AOC3: variants seen among roughly 807,000 people sequenced by gnomAD.
AOC3 encodes the protein amine oxidase [copper-containing] 3.
Under a neutral mutation model 55.4 loss-of-function variants are expected in AOC3, and 47 were observed. That is an observed-to-expected ratio of 0.85 (90% CI 0.67 to 1.08). The LOEUF (loss-of-function observed/expected upper bound fraction) is 1.08, where lower values mean the gene tolerates loss of function less well. Ranked by LOEUF, AOC3 falls within the 50% of genes least tolerant of loss-of-function variation. AOC3 has a pLI of 0.00. For missense variants in AOC3, 853 were observed against 993.1 expected (o/e 0.86, Z 1.90); for synonymous variants, 386 against 410.7 (o/e 0.94, Z 0.73).
intron 3 of AOC3, among the ~76,000 whole-genome samples, chr17:42,855,861 A>C (rs1257471096): frequency 6.6e-6 from 1 of 152,164 alleles, no homozygotes; most frequent in Non-Finnish European, 1.5e-5. Context: ...TACCAGGGAA[A>C]ATGACATCTC....
chr17:42,854,282 A>C, intron 1 of AOC3, 166 bp from the exon 2 acceptor site: 2 of 492,746 alleles, frequency 4.1e-6, no homozygotes, highest in Non-Finnish European at 6.5e-6. Flanking sequence ...ACAGGTCAAC[A>C]GCTTTGGCTA....
rs189410619 is a variant in AOC3 at position 42,851,505 on chromosome 17, T to C, written c.162T>C (p.Pro54=). The C allele has an allele frequency of 2.7e-5, 44 of 1,614,212 alleles. No homozygotes were observed. The East Asian group carries it at 9.8e-4, about 36-fold the overall frequency. The change falls in exon 1 of 4, where the codon CCT becomes CCC. Residue 54 remains proline (P), a synonymous_variant. Coordinates refer to ENST00000308423, the MANE Select transcript of AOC3 (RefSeq NM_003734.4). ...VSPSAQPWTH[P]GQSQLFADLS... is the part of the protein sequence containing the mutation. ...CCAGTGCCCAGCCTTGGACACACCC[T>C]GGCCAGAGCCAGCTGTTTGCAGACC... is the stretch of plus-strand genomic sequence containing the variant.
At chr17:42,854,341 C>G (rs1026576106) in intron 1 of AOC3, 107 bp from the exon 2 acceptor site, 1 of 1,075,854 alleles carries the variant, frequency 9.3e-7, no homozygotes, top group Non-Finnish European at 1.2e-6. Flanking sequence ...GGGGCACACT[C>G]AGTTCTGGGC....
In AOC3 at chr17:42,852,612, G is replaced by A. The variant is rs374921494; in HGVS notation, c.1269G>A (p.Lys423=). 31 of 1,614,104 alleles carry A rather than the reference G, an allele frequency of 1.9e-5. No individual in the cohort carries two copies. In the African/African-American group the frequency reaches 3.7e-4, roughly 19 times the overall value. The change falls in exon 1 of 4, where the codon AAG becomes AAA. Residue 423 remains lysine (K), a synonymous_variant. Transcript: ENST00000308423. ...WHFLLESQAP[K]TIRDAFCVFE... is the part of the protein sequence containing the mutation. ...TCCTTTTGGAGTCCCAGGCCCCCAA[G>A]ACAATACGTGATGCCTTTTGTGTGT... is the stretch of plus-strand genomic sequence containing the variant.
Position 42,852,222 on chromosome 17 carries a change from C to G in AOC3, c.879C>G (p.Asp293Glu). 6.8e-6 allele frequency: 11 copies of G among 1,613,590 alleles called. No homozygotes were observed. Among genetic ancestry groups the G allele is most frequent in the Non-Finnish European group, 9.3e-6 (11 of 1,179,768 alleles). The change falls in exon 1 of 4, where the codon GAC becomes GAG. Residue 293 changes from aspartate (D) to glutamate (E), a missense_variant. Transcript: ENST00000308423. ...AGLVNVVLIP[D>E]NGTGGSWSLK... is the part of the protein sequence containing the mutation. ...TGGTGAATGTGGTGCTGATCCCAGACAATGGCACAGGTGGGTCCTGGTCCC... is the reference window on the plus strand; with the variant it reads ...TGGTGAATGTGGTGCTGATCCCAGAGAATGGCACAGGTGGGTCCTGGTCCC...
intron 3 of AOC3, 97 bp downstream of exon 3, chr17:42,855,670 C>A: frequency 6.6e-7 from 1 of 1,520,898 alleles, no homozygotes; most frequent in South Asian, 1.2e-5. Context: ...GTGCTGATTC[C>A]TGCCTTCTGC....
chr17:42,857,214 A>C lies in AOC3; in HGVS notation c.*664A>C, dbSNP rs149816088. 1 of 152,552 alleles carries C rather than the reference A, an allele frequency of 6.6e-6. No homozygotes were observed. Among genetic ancestry groups the C allele is most frequent in the Admixed American group, 6.5e-5 (1 of 15,300 alleles). The allele number at this position is 152,552 out of a possible 1,614,324, so 9.4% of individuals were successfully genotyped here. A position where few individuals can be genotyped will look rare whatever the true frequency, so the allele number is the denominator to read the frequency against. ...ACGGGACCCCTAATCAGAGTGGCCA[A>C]TCCCTGTGTGTCGTTCCCTTGTGTC... On this transcript the variant is annotated 3_prime_UTR_variant, in exon 4 of 4. Transcript: ENST00000308423.
rs757079986 is a variant in AOC3, at chr17:42,852,898, G to A, written c.1555G>A (p.Val519Ile). ...NQVSEHTLGTVHTHSAHFKVD... is the reference protein window; with the variant it reads ...NQVSEHTLGTIHTHSAHFKVD... ...AGTGTCAGAGCACACCCTGGGCACGGTCCACACCCACAGCGCCCACTTCAA... is the reference window on the plus strand; with the variant it reads ...AGTGTCAGAGCACACCCTGGGCACGATCCACACCCACAGCGCCCACTTCAA... Residue 519 changes from valine to isoleucine, a missense_variant, in exon 1 of 4, where the codon GTC (valine) becomes ATC (isoleucine). Val to Ile is a conservative substitution (Grantham distance 29, BLOSUM62 3). Coordinates refer to ENST00000308423, the MANE Select transcript of AOC3 (RefSeq NM_003734.4). 3.7e-6 allele frequency: 6 copies of A among 1,610,236 alleles called. No individual in the cohort carries two copies. The highest frequency in any genetic ancestry group is 5.1e-6 in the Non-Finnish European group (6 of 1,176,760).
chr17:42,853,316 GT>G, intron 1 of AOC3: 1 of 1,034,620 alleles, frequency 9.7e-7, no homozygotes, highest in Non-Finnish European at 1.2e-6. Context: ...TGTGGTGGTG[GT>G]GTTTTGGAGG....
In AOC3 at chr17:42,855,632, T is replaced by C. The variant is rs537861303; in HGVS notation, c.2016+59T>C. 13 of 1,610,122 alleles carry C rather than the reference T, an allele frequency of 8.1e-6. No individual in the cohort carries two copies. The Admixed American group carries it at 2.0e-4, about 25-fold the overall frequency. On this transcript the variant is annotated intron_variant, in intron 3 of 3. Transcript: ENST00000308423. ...CCTTGCTTTCTCTTGGGAGGGTCCC[T>C]GAAAACCACCTGCACTTCTCAGGGG...
Position 42,854,644 on chromosome 17 carries a change from C to T in AOC3, c.1797C>T (p.His599=). 6.4e-7 allele frequency: 1 copy of T among 1,563,456 alleles called. No homozygotes were observed. Among genetic ancestry groups the T allele is most frequent in the Non-Finnish European group, 8.7e-7 (1 of 1,150,570 alleles). Residue 599 remains histidine (H), a synonymous_variant, in exon 2 of 4, where the codon CAC becomes CAT. Transcript: ENST00000308423. ...LASNHSNKWG[H]PRGYRIQMLS... ...GCAACCACAGCAACAAGTGGGGTCA[C>T]CCCCGGGGCTACCGCATCCAGATGC...
chr17:42,854,765 C>T, intron 2 of AOC3, 32 bp downstream of exon 2: 1 of 1,441,838 alleles, frequency 6.9e-7, no homozygotes, highest in Non-Finnish European at 9.2e-7. Context: ...AGGAGGGGGG[C>T]AGTGAGAGTG....
At chr17:42,855,849 G>A (rs572696168) in intron 3 of AOC3, among the ~76,000 whole-genome samples, 1 of 152,334 alleles carries the variant, frequency 6.6e-6, no homozygotes, top group East Asian at 1.9e-4. Flanking sequence ...AGGGATGGAA[G>A]TTACCAGGGA....
Position 42,855,473 on chromosome 17 carries a change from A to G in AOC3, c.1916A>G (p.Glu639Gly). ...CAGCTGGCTGTGACCCAGCGGAAGG[A>G]GGAGGAGCCCAGTAGCAGCAGCGTT... is the stretch of plus-strand genomic sequence containing the variant. ...RYQLAVTQRK[E>G]EEPSSSSVFN... The change falls in exon 3 of 4, where the codon GAG becomes GGG. Residue 639 changes from glutamate to glycine, a missense_variant. By Grantham distance (98) the Glu-to-Gly change is moderately conservative. Transcript: ENST00000308423. 6.2e-7 allele frequency: 1 copy of G among 1,610,390 alleles called. No individual in the cohort carries two copies. Among genetic ancestry groups the G allele is most frequent in the African/African-American group, 1.3e-5 (1 of 75,008 alleles).
chr17:42,854,790 G>A lies in AOC3; in HGVS notation c.1886+57G>A, dbSNP rs1186964272. Reference sequence around the variant, plus strand: ...CAGTGAGAGTGGGAAAGGAGTGTTGGCGGACACTCAGCTCACACTGTAGGT... The same window carrying A: ...CAGTGAGAGTGGGAAAGGAGTGTTGACGGACACTCAGCTCACACTGTAGGT... On this transcript the variant is annotated intron_variant, in intron 2 of 3. Transcript: ENST00000308423. 3 of 1,420,144 alleles carry A rather than the reference G, an allele frequency of 2.1e-6. No homozygotes were observed. In the African/African-American group the frequency reaches 4.4e-5, roughly 21 times the overall value. 88.0% of individuals were successfully genotyped at this position (1,420,144 alleles called of 1,614,324 possible). A position where few individuals can be genotyped will look rare whatever the true frequency, so the allele number is the denominator to read the frequency against.
intron 1 of AOC3, among the ~76,000 whole-genome samples, chr17:42,853,692 C>G (rs1001408836): frequency 6.6e-6 from 1 of 152,182 alleles, no homozygotes; most frequent in Non-Finnish European, 1.5e-5. Context: ...CCAGCCCTCT[C>G]TCTGCTGTTT....
Position 42,855,524 on chromosome 17 carries a change from C to A in AOC3, c.1967C>A (p.Pro656His), listed in dbSNP as rs370507158. The A allele has an allele frequency of 5.3e-5, 86 of 1,613,896 alleles. No individual in the cohort carries two copies. Among genetic ancestry groups the A allele is most frequent in the Non-Finnish European group, 7.3e-5 (86 of 1,180,008 alleles). ...SVFNQNDPWA[P>H]TVDFSDFINN... ...TTCAATCAGAATGACCCTTGGGCCCCCACTGTGGATTTCAGTGACTTCATC... is the reference window on the plus strand; with the variant it reads ...TTCAATCAGAATGACCCTTGGGCCCACACTGTGGATTTCAGTGACTTCATC... Residue 656 changes from proline to histidine, a missense_variant, in exon 3 of 4, where the codon CCC becomes CAC. Pro to His is a moderately conservative substitution (Grantham distance 77, BLOSUM62 -2). Transcript: ENST00000308423.
rs753543819 is a variant in AOC3 at position 42,852,054 on chromosome 17, G to C, written c.711G>C (p.Gly237=). 7 of 1,613,778 alleles carry C rather than the reference G, an allele frequency of 4.3e-6. No individual in the cohort carries two copies. In the South Asian group the frequency reaches 7.7e-5, roughly 18 times the overall value. ...FGLYYNISGA[G]FFLHHVGLEL... ...TCTACTACAACATCTCGGGCGCTGG[G>C]TTCTTCCTGCACCACGTGGGCTTGG... Residue 237 remains glycine (G), a synonymous_variant, in exon 1 of 4, where the codon GGG becomes GGC. Transcript: ENST00000308423.
rs1331919131 is a variant in AOC3 at position 42,857,150 on chromosome 17, G to A, written c.*600G>A. On this transcript the variant is annotated 3_prime_UTR_variant, in exon 4 of 4. Transcript: ENST00000308423. ...CCCCCAGCCCTCAGTTTTCAGTCAA[G>A]TTCCGTCTCCTCTCCAGCCCTATGG... 1 of 153,412 alleles carries A rather than the reference G, an allele frequency of 6.5e-6. No homozygotes were observed. Among genetic ancestry groups the A allele is most frequent in the Non-Finnish European group, 1.5e-5 (1 of 68,944 alleles). The allele number at this position is 153,412 out of a possible 1,614,324, so 9.5% of individuals were successfully genotyped here.
Sources: allele counts gnomAD v4.1 joint callset (sites outside exome capture counted in the v4.1 genomes callset), GRCh38; gene constraint gnomAD v4.1.1; transcripts MANE v1.5; gene names NCBI Gene and HGNC (gene_info 2026-07-23, HGNC 2026-07-21).